Variants in TGFB2 observed in about 807,000 individuals in gnomAD.
The protein encoded by TGFB2 is transforming growth factor beta-2 proprotein.
TGFB2 carries 13 observed loss-of-function variants against 42.7 expected under a neutral mutation model. The observed-to-expected ratio is 0.30, with a 90% CI of 0.20 to 0.48. The LOEUF (loss-of-function observed/expected upper bound fraction) is 0.48. TGFB2 is among the 20% of genes least tolerant of loss of function. The pLI is 0.99. For missense variants in TGFB2, 390 were observed against 517.5 expected, an observed-to-expected ratio of 0.75 and a Z score of 2.39; for synonymous variants, 193 against 193.6, an observed-to-expected ratio of 1.00 and a Z score of 0.03.
intron 2 of TGFB2, among the ~76,000 whole-genome samples, chr1:218,414,022 T>G (rs144673948): frequency 5.3e-5 from 8 of 152,206 alleles, no homozygotes; most frequent in Non-Finnish European, 1.2e-4. Context: ...TTACTGGACA[T>G]TGCATATGTA....
intron 1 of TGFB2, among the ~76,000 whole-genome samples, chr1:218,402,285 A>T (rs146283994): frequency 5.5e-4 from 84 of 152,354 alleles, no homozygotes; most frequent in East Asian, 4.2e-3. Flanking sequence ...GACAGTTGAA[A>T]TATAAACAGC....
chr1:218,435,890 A>G, intron 4 of TGFB2, 80 bp from the exon 5 acceptor site: 3 of 1,428,894 alleles, frequency 2.1e-6, no homozygotes, highest in South Asian at 1.4e-5. Flanking sequence ...TTGTGACAAT[A>G]TACAAAGGAA....
At chr1:218,354,244 G>A (rs771864942) in intron 1 of TGFB2, among the ~76,000 whole-genome samples, 1 of 152,314 alleles carries the variant, frequency 6.6e-6, no homozygotes, top group Non-Finnish European at 1.5e-5. Context: ...GAATCTGTGA[G>A]TTCAAAGAGG....
chr1:218,348,396 G>T (rs1656764073), intron 1 of TGFB2, among the ~76,000 whole-genome samples: 1 of 152,052 alleles, frequency 6.6e-6, no homozygotes, highest in African/African-American at 2.4e-5. Flanking sequence ...TTTATTTTTA[G>T]TTTGACAAGT....
In TGFB2 at chr1:218,437,320, C is replaced by CTTTTT. The variant is rs11285412; in HGVS notation, c.933-10_933-6dup. On this transcript the variant is annotated intron_variant, in intron 5 of 6. Coordinates refer to ENST00000366930, the MANE Select transcript of TGFB2 (RefSeq NM_003238.6). Reference sequence around the variant, plus strand: ...TGAATCAGCTTTAAAATCTCCATTGCTTTTTTTTTTTTTTTTTAACAGAAA... The same window carrying CTTTTT: ...TGAATCAGCTTTAAAATCTCCATTGCTTTTTTTTTTTTTTTTTTTTTTAACAGAAA... The CTTTTT allele has an allele frequency of 3.9e-5, 56 of 1,430,742 alleles. No individual in the cohort carries two copies. The African/African-American group carries it at 8.4e-4, about 21-fold the overall frequency. 88.6% of individuals were successfully genotyped at this position (1,430,742 alleles called of 1,614,324 possible). A position where few individuals can be genotyped will look rare whatever the true frequency, so the allele number is the denominator to read the frequency against.
intron 4 of TGFB2, among the ~76,000 whole-genome samples, 170 bp from the exon 5 acceptor site, chr1:218,435,800 G>A (rs541531172): frequency 6.6e-6 from 1 of 152,230 alleles, no homozygotes; most frequent in South Asian, 2.1e-4. Context: ...TGGGTTAGTC[G>A]TAGTCCTGTT....
At chr1:218,376,604 G>C (rs931826633) in intron 1 of TGFB2, among the ~76,000 whole-genome samples, 6 of 152,186 alleles carry the variant, frequency 3.9e-5, no homozygotes, top group African/African-American at 1.4e-4. Context: ...CACCGGGCAA[G>C]TTCCCTCTTT....
intron 2 of TGFB2, among the ~76,000 whole-genome samples, chr1:218,432,313 C>T (rs1030512305): frequency 2.0e-4 from 31 of 152,258 alleles, no homozygotes; most frequent in African/African-American, 6.3e-4. Flanking sequence ...TTCTTTAATT[C>T]GCAAAGAACA....
At chr1:218,396,457 G>T (rs546862991) in intron 1 of TGFB2, among the ~76,000 whole-genome samples, 35 of 152,062 alleles carry the variant, frequency 2.3e-4, no homozygotes, top group African/African-American at 8.2e-4. Flanking sequence ...GACAGACTGC[G>T]CCTTGTGAGT....
At chr1:218,407,130 C>T (rs1658939986) in intron 2 of TGFB2, among the ~76,000 whole-genome samples, 1 of 152,188 alleles carries the variant, frequency 6.6e-6, no homozygotes, top group Non-Finnish European at 1.5e-5. Context: ...CAGCATCTTG[C>T]TCTGTCACCC....
chr1:218,346,801 C>A lies in TGFB2; in HGVS notation c.100C>A (p.Arg34Ser). 1 of 1,614,186 alleles carries A rather than the reference C, an allele frequency of 6.2e-7. No homozygotes were observed. The highest frequency in any genetic ancestry group is 8.5e-7 in the Non-Finnish European group (1 of 1,180,036). Residue 34 changes from arginine to serine, a missense_variant, in exon 1 of 7, where the codon CGC (arginine) becomes AGC (serine). Physicochemically the swap from Arg to Ser is moderately radical, Grantham distance 110 (BLOSUM62 -1). Transcript: ENST00000366930. This position sits in a 1 kb window ranked among gnomAD's most constrained non-coding sequence, Gnocchi z 4.9. ...CACACTCGATATGGACCAGTTCATG[C>A]GCAAGAGGATCGAGGCGATCCGCGG... ...CSTLDMDQFM[R>S]KRIEAIRGQI...
intron 2 of TGFB2, among the ~76,000 whole-genome samples, chr1:218,419,272 G>A (rs1212705736): frequency 6.6e-6 from 1 of 151,958 alleles, no homozygotes; most frequent in Non-Finnish European, 1.5e-5. Context: ...TGTGGCTTGT[G>A]GCCACTGTTC....
chr1:218,390,782 C>A (rs1238240392), intron 1 of TGFB2, among the ~76,000 whole-genome samples: 1 of 152,198 alleles, frequency 6.6e-6, no homozygotes, highest in Non-Finnish European at 1.5e-5. Context: ...TTCCAGATCT[C>A]GTTCATGCCA....
chr1:218,417,482 CAG>C (rs887369716), intron 2 of TGFB2, among the ~76,000 whole-genome samples: 2 of 152,098 alleles, frequency 1.3e-5, no homozygotes, highest in African/African-American at 4.8e-5. Flanking sequence ...AAAAGGGAAA[CAG>C]AAAATAAAAG....
At chr1:218,425,242 C>G (rs1046116189) in intron 2 of TGFB2, among the ~76,000 whole-genome samples, 1 of 152,082 alleles carries the variant, frequency 6.6e-6, no homozygotes, top group Non-Finnish European at 1.5e-5. Flanking sequence ...GAGTCTTGCT[C>G]CATCACGGAG....
At chr1:218,387,196 T>G (rs2102573597) in intron 1 of TGFB2, among the ~76,000 whole-genome samples, 3 of 146,812 alleles carry the variant, frequency 2.0e-5, no homozygotes, top group Middle Eastern at 3.4e-3. Flanking sequence ...TTGGAAGTGA[T>G]GTGGTGCACT....
chr1:218,438,835 G>GC (rs984264381), intron 6 of TGFB2, among the ~76,000 whole-genome samples: 6 of 152,138 alleles, frequency 3.9e-5, no homozygotes, highest in Admixed American at 3.9e-4. Context: ...GGGACCGGGC[G>GC]CAGTGACTCA....
At chr1:218,380,645 T>A (rs774566298) in intron 1 of TGFB2, among the ~76,000 whole-genome samples, 2 of 152,156 alleles carry the variant, frequency 1.3e-5, no homozygotes, top group African/African-American at 2.4e-5. Flanking sequence ...ATTCCAGACC[T>A]GTTACCTTGT....
intron 1 of TGFB2, among the ~76,000 whole-genome samples, chr1:218,388,334 C>A (rs540083986): frequency 3.9e-5 from 6 of 152,116 alleles, no homozygotes; most frequent in Admixed American, 1.3e-4. Context: ...TTGGCCCCCC[C>A]ACATCCAGAG....
Sources: gnomAD v4.1 joint callset for allele counts (sites outside exome capture counted in the v4.1 genomes callset) on GRCh38, gnomAD v4.1.1 for gene constraint, Gnocchi (gnomAD v3.1) non-coding constraint, MANE v1.5 for transcripts, NCBI Gene and HGNC (gene_info 2026-07-23, HGNC 2026-07-21) for gene names.